Variants in LCOR observed in about 807,000 individuals in gnomAD.
LCOR encodes ligand dependent nuclear receptor corepressor.
Under a neutral mutation model 64.4 loss-of-function variants are expected in LCOR, and 14 were observed. The observed-to-expected ratio is 0.22, with a 90% CI of 0.14 to 0.34. The LOEUF (loss-of-function observed/expected upper bound fraction) is 0.34, where lower values mean the gene tolerates loss of function less well. LCOR is among the 10% of genes least tolerant of loss of function. The pLI is 1.00. For missense variants in LCOR, 1,686 were observed against 1,765.3 expected (o/e 0.96, Z 0.80); for synonymous variants, 643 against 642.5 (o/e 1.00, Z -0.01).
In LCOR at chr10:96,984,352, C is replaced by T. The variant is rs141296765; in HGVS notation, c.3892C>T (p.Pro1298Ser). Residue 1298 changes from proline to serine, a missense_variant, in exon 8 of 8, where the codon CCA (proline) becomes TCA (serine). Transcript: ENST00000421806. ...CAAGGAAGATAGAAACAGTCATCCT[C>T]CAGCAAACCTGCCCACTCCAGCCAG... ...EVKEDRNSHP[P>S]ANLPTPASTR... The T allele has an allele frequency of 1.2e-6, 2 of 1,614,146 alleles. No homozygotes were observed. Among genetic ancestry groups the T allele is most frequent in the South Asian group, 1.1e-5 (1 of 91,084 alleles).
intron 2 of LCOR, among the ~76,000 whole-genome samples, chr10:96,903,628 C>G (rs1846680650): frequency 6.6e-6 from 1 of 152,168 alleles, no homozygotes; most frequent in African/African-American, 2.4e-5. Flanking sequence ...TCCAAAAGAA[C>G]AGGCTATATT....
intron 2 of LCOR, among the ~76,000 whole-genome samples, chr10:96,836,740 A>G (rs928155152): frequency 6.6e-6 from 1 of 152,200 alleles, no homozygotes; most frequent in Admixed American, 6.5e-5. Flanking sequence ...TTCATGAGAA[A>G]TGGCATGAGC....
chr10:96,965,661 CAAA>C (rs755222216), intron 7 of LCOR, among the ~76,000 whole-genome samples: 4 of 65,316 alleles, frequency 6.1e-5, no homozygotes, highest in East Asian at 4.1e-4. Flanking sequence ...GACTCTGTCT[CAAA>C]AAAAAAAAAA....
intron 4 of LCOR, among the ~76,000 whole-genome samples, chr10:96,925,282 G>A (rs1051121741): frequency 6.6e-5 from 10 of 152,106 alleles, no homozygotes; most frequent in Admixed American, 6.5e-4. Context: ...CACCATGTTG[G>A]CCAGGCTGGT....
intron 4 of LCOR, among the ~76,000 whole-genome samples, chr10:96,921,249 TAATTC>T (rs1021878545): frequency 2.6e-5 from 4 of 152,216 alleles, no homozygotes; most frequent in African/African-American, 7.2e-5. Flanking sequence ...AAATTTGATT[TAATTC>T]AATTTATCTA....
At chr10:96,973,489 G>T (rs1848015092) in intron 7 of LCOR, among the ~76,000 whole-genome samples, 1 of 152,110 alleles carries the variant, frequency 6.6e-6, no homozygotes, top group Admixed American at 6.5e-5. Context: ...ATTTTTTCAG[G>T]CCCTCCTGAC....
At chr10:96,879,396 G>A (rs981353255) in intron 2 of LCOR, among the ~76,000 whole-genome samples, 2 of 152,164 alleles carry the variant, frequency 1.3e-5, no homozygotes, top group Non-Finnish European at 2.9e-5. Context: ...TTGTAGTCAT[G>A]AATGGAGAGT....
intron 2 of LCOR, among the ~76,000 whole-genome samples, chr10:96,847,418 A>T (rs1333688408): frequency 6.7e-6 from 1 of 148,872 alleles, no homozygotes; most frequent in Non-Finnish European, 1.5e-5. Context: ...TTATTTATTT[A>T]TTTATTTATT....
At chr10:96,947,716 T>TA (rs913153248) in intron 5 of LCOR, among the ~76,000 whole-genome samples, 5 of 152,130 alleles carry the variant, frequency 3.3e-5, no homozygotes, top group African/African-American at 1.2e-4. Flanking sequence ...AGTGGCCACT[T>TA]ACTCTTTTGA....
In LCOR at chr10:96,833,417, C is replaced by T; in HGVS notation, c.-392C>T. 1.1e-5 allele frequency: 11 copies of T among 986,046 alleles called. No individual in the cohort carries two copies. The highest frequency in any genetic ancestry group is 1.3e-5 in the Non-Finnish European group (11 of 830,088). 61.1% of individuals were successfully genotyped at this position (986,046 alleles called of 1,614,324 possible). ...TTTTCTCTCCCAAGGTCCCGTTTCC[C>T]TCTGTGCGGCGGCCGGCGGGACCAT... On this transcript the variant is annotated 5_prime_UTR_variant, in exon 2 of 8. Transcript: ENST00000421806.
chr10:96,956,948 T>C, intron 7 of LCOR: 4 of 985,138 alleles, frequency 4.1e-6, no homozygotes, highest in Non-Finnish European at 3.6e-6. Context: ...AATTATGATA[T>C]TGCAAAAGTG....
intron 2 of LCOR, among the ~76,000 whole-genome samples, chr10:96,873,571 C>CGTGTGTGTGTGTGTGTGTGTGT (rs55893181): frequency 1.6e-5 from 2 of 126,340 alleles, no homozygotes; most frequent in Admixed American, 8.4e-5. Context: ...CACACACACA[C>CGTGTGTGTGTGTGTGTGTGTGT]GTGTGTGTGT....
chr10:96,836,660 C>T (rs1453015708), intron 2 of LCOR, among the ~76,000 whole-genome samples: 3 of 152,064 alleles, frequency 2.0e-5, no homozygotes. Context: ...GAAATCTCTC[C>T]CGAGTTGATG....
intron 7 of LCOR, chr10:96,964,384 G>A (rs993680532): frequency 2.0e-5 from 3 of 151,998 alleles, no homozygotes; most frequent in African/African-American, 7.3e-5. Context: ...GTTCTCACTG[G>A]ATGCTAGAGT....
intron 2 of LCOR, among the ~76,000 whole-genome samples, chr10:96,865,339 G>T (rs889209639): frequency 6.6e-6 from 1 of 151,904 alleles, no homozygotes; most frequent in African/African-American, 2.4e-5. Context: ...AAATTTTATG[G>T]GAAGAAAAGA....
At chr10:96,964,298 G>A (rs1129473) in intron 7 of LCOR, 1 of 149,430 alleles carries the variant, frequency 6.7e-6, no homozygotes, top group Non-Finnish European at 1.5e-5. Flanking sequence ...GCATGTGTAA[G>A]ATTTAATGGT....
chr10:96,839,217 T>G, intron 2 of LCOR, among the ~76,000 whole-genome samples: 1 of 152,226 alleles, frequency 6.6e-6, no homozygotes, highest in East Asian at 1.9e-4. Flanking sequence ...GGGTTATTAT[T>G]TATTGTTGAA....
chr10:96,847,347 C>CAA (rs542943351), intron 2 of LCOR, among the ~76,000 whole-genome samples: 22 of 74,266 alleles, frequency 3.0e-4, no homozygotes, highest in African/African-American at 6.6e-4. Flanking sequence ...CTTAATTTTT[C>CAA]AAAAAAAAAA....
intron 2 of LCOR, among the ~76,000 whole-genome samples, chr10:96,905,553 T>TATCTAGCA (rs1257561895): frequency 6.6e-6 from 1 of 152,166 alleles, no homozygotes; most frequent in Non-Finnish European, 1.5e-5. Flanking sequence ...AAATAGGCAG[T>TATCTAGCA]ATCTAGCATT....
Sources: allele counts gnomAD v4.1 joint callset (sites outside exome capture counted in the v4.1 genomes callset), GRCh38; gene constraint gnomAD v4.1.1; transcripts MANE v1.5; gene names NCBI Gene and HGNC (gene_info 2026-07-23, HGNC 2026-07-21).